Variants in IQCM observed in about 807,000 individuals in gnomAD.
IQCM encodes IQ domain-containing protein M.
Under a neutral mutation model 57.6 loss-of-function variants are expected in IQCM, and 45 were observed. The observed-to-expected ratio is 0.78, with a 90% CI of 0.62 to 1.00. The LOEUF is 1.00. IQCM is among the 50% of genes least tolerant of loss of function. The pLI is 0.00. For synonymous variants in IQCM, 148 were observed against 158.9 expected (o/e 0.93, Z 0.51); for missense variants, 468 against 511.6 (o/e 0.91, Z 0.82).
At chr4:149,521,311 G>A (rs1365848429) in intron 12 of IQCM, among the ~76,000 whole-genome samples, 2 of 152,096 alleles carry the variant, frequency 1.3e-5, no homozygotes, top group Admixed American at 6.6e-5. Context: ...AAGGGAGGAA[G>A]TCAAGGCAAG....
chr4:149,464,093 T>C (rs922008812), intron 12 of IQCM, among the ~76,000 whole-genome samples: 1 of 152,172 alleles, frequency 6.6e-6, no homozygotes, highest in Non-Finnish European at 1.5e-5. Context: ...GTGGTATCCA[T>C]CTTTTTCCTC....
At chr4:149,581,555 T>C (rs1752182931) in intron 9 of IQCM, among the ~76,000 whole-genome samples, 1 of 151,544 alleles carries the variant, frequency 6.6e-6, no homozygotes. Flanking sequence ...TTAGAATATC[T>C]GAAAAGTTCT....
chr4:149,733,480 AC>A lies in IQCM; in HGVS notation c.148del (p.Val50PhefsTer23). 1 of 1,229,446 alleles carries A rather than the reference AC, an allele frequency of 8.1e-7. No homozygotes were observed. Among genetic ancestry groups the A allele is most frequent in the Non-Finnish European group, 1.0e-6 (1 of 985,578 alleles). The allele number at this position is 1,229,446 out of a possible 1,614,324, so 76.2% of individuals were successfully genotyped here. ...CGGTTTTTGGTGTTTCTTTCTAAAA[AC>A]ATTTATAGAAGTACCTTGAACTTTA... ...ENKVQGTSIN[V>X]FRKKHQKPKS... is the part of the protein sequence containing the mutation. On this transcript the variant is annotated frameshift_variant, in exon 5 of 14. Transcript: ENST00000636793. LOFTEE classifies it high-confidence loss of function.
chr4:149,775,603 A>G (rs1771019535), intron 2 of IQCM, among the ~76,000 whole-genome samples: 1 of 152,194 alleles, frequency 6.6e-6, no homozygotes, highest in Non-Finnish European at 1.5e-5. Flanking sequence ...GTCTTTAAGC[A>G]GCTCAGTGAT....
At chr4:149,597,863 A>G (rs1007929091) in intron 8 of IQCM, among the ~76,000 whole-genome samples, 1 of 152,182 alleles carries the variant, frequency 6.6e-6, no homozygotes, top group East Asian at 1.9e-4. Flanking sequence ...AGTTCAAAAT[A>G]AACTACACTT....
chr4:149,590,445 T>C (rs1330479564), intron 8 of IQCM, among the ~76,000 whole-genome samples: 1 of 151,864 alleles, frequency 6.6e-6, no homozygotes, highest in Non-Finnish European at 1.5e-5. Flanking sequence ...TACCTGCTTC[T>C]TTCAACTTCT....
At chr4:149,421,891 A>G (rs1028926919) in intron 13 of IQCM, among the ~76,000 whole-genome samples, 2 of 152,058 alleles carry the variant, frequency 1.3e-5, no homozygotes, top group African/African-American at 4.8e-5. Context: ...ATTTATTATA[A>G]TATTATATAA....
chr4:149,498,237 T>C (rs1366984376), intron 12 of IQCM, among the ~76,000 whole-genome samples: 2 of 152,106 alleles, frequency 1.3e-5, no homozygotes, highest in Non-Finnish European at 2.9e-5. Context: ...AACCAAGTGA[T>C]GACCCAGCAA....
intron 12 of IQCM, among the ~76,000 whole-genome samples, chr4:149,453,076 A>G (rs1443276817): frequency 2.0e-5 from 3 of 151,604 alleles, no homozygotes; most frequent in Non-Finnish European, 4.4e-5. Flanking sequence ...AATTTACAAC[A>G]TCGTAGGAAA....
intron 7 of IQCM, among the ~76,000 whole-genome samples, chr4:149,621,848 A>AT (rs1756363913): frequency 6.6e-6 from 1 of 151,958 alleles, no homozygotes; most frequent in Non-Finnish European, 1.5e-5. Context: ...TTATTTGTCC[A>AT]TTTTTTTCCT....
At chr4:149,666,305 C>T (rs914539812) in intron 7 of IQCM, 8 of 152,246 alleles carry the variant, frequency 5.3e-5, no homozygotes, top group Admixed American at 6.5e-5. Flanking sequence ...GATGTTGCCT[C>T]ACCCAGGAAG....
At chr4:149,815,180 T>A (rs930120673) in intron 2 of IQCM, 131 bp downstream of exon 2, 3 of 151,808 alleles carry the variant, frequency 2.0e-5, no homozygotes, top group Admixed American at 2.0e-4. Context: ...GCAAACCAAC[T>A]CACGAAGCTA....
chr4:149,765,950 C>A (rs1235031834), intron 2 of IQCM, among the ~76,000 whole-genome samples: 1 of 152,028 alleles, frequency 6.6e-6, no homozygotes, highest in Non-Finnish European at 1.5e-5. Context: ...GGTTTCATCC[C>A]CAACCAATTA....
intron 5 of IQCM, among the ~76,000 whole-genome samples, chr4:149,709,683 A>C (rs1764417489): frequency 6.6e-6 from 1 of 152,132 alleles, no homozygotes; most frequent in South Asian, 2.1e-4. Flanking sequence ...GATTCTTTCT[A>C]AGTAGATGCA....
At chr4:149,514,486 A>G (rs1000267054) in intron 12 of IQCM, 4 of 152,168 alleles carry the variant, frequency 2.6e-5, no homozygotes, top group Non-Finnish European at 5.9e-5. Context: ...GAAACAAACA[A>G]TGACTATCAG....
intron 8 of IQCM, among the ~76,000 whole-genome samples, chr4:149,608,881 T>C (rs1409101352): frequency 2.7e-5 from 4 of 150,938 alleles, no homozygotes; most frequent in Non-Finnish European, 3.0e-5. Context: ...CCAAAATTAA[T>C]AGAAGAGAAA....
At chr4:149,353,426 T>C (rs754145623) in intron 13 of IQCM, among the ~76,000 whole-genome samples, 2 of 152,188 alleles carry the variant, frequency 1.3e-5, no homozygotes, top group African/African-American at 4.8e-5. Flanking sequence ...GCAATCCCTC[T>C]TCTGGGCATA....
chr4:149,682,027 G>T, intron 7 of IQCM, 91 bp downstream of exon 7: 6 of 465,074 alleles, frequency 1.3e-5, no homozygotes, highest in Non-Finnish European at 3.5e-6. Context: ...AAATAACTCT[G>T]TTCAATACTA....
rs1022892610 is a variant in IQCM, at chr4:149,354,379, A to C, written c.1391-2313T>G. Among the ~76,000 whole-genome samples, 433 of 142,476 alleles carry C rather than the reference A, an allele frequency of 3.0e-3. 33 individuals carry two copies. The East Asian group carries it at 0.055, about 18-fold the overall frequency. The allele number at this position is 142,476 out of a possible 152,430, so 93.5% of individuals were successfully genotyped here. Reference sequence around the variant, plus strand: ...ACTCCGTCTCAAAAAAAAAAAAAAAAAAAAAAAAAACTGACAAATTAGGCC... The same window carrying C: ...ACTCCGTCTCAAAAAAAAAAAAAAACAAAAAAAAAACTGACAAATTAGGCC... On this transcript the variant is annotated intron_variant, in intron 13 of 13. Transcript: ENST00000636793.
Sources: allele counts gnomAD v4.1 joint callset (sites outside exome capture counted in the v4.1 genomes callset), GRCh38; gene constraint gnomAD v4.1.1; transcripts MANE v1.5; gene names NCBI Gene and HGNC (gene_info 2026-07-23, HGNC 2026-07-21).